The following SORBS2 variants were observed in gnomAD, a reference collection of about 807,000 sequenced individuals.
SORBS2 encodes the protein sorbin and SH3 domain containing 2.
SORBS2 carries 46 observed loss-of-function variants against 97.7 expected under a neutral mutation model. That is an observed-to-expected ratio of 0.47 (90% confidence interval 0.37 to 0.60). The LOEUF is 0.60. Among genes scored for constraint, SORBS2 ranks in the 20% least tolerant of loss-of-function variants. The probability of loss-of-function intolerance (pLI) is 0.00; values close to 1 mark genes in which losing one functional copy is unlikely to be tolerated. For missense variants in SORBS2, 1,316 were observed against 1,282.3 expected (o/e 1.03, Z -0.40); for synonymous variants, 476 against 473.4 (o/e 1.01, Z -0.07).
chr4:185,935,372 ATG>A (rs1437107225), intron 1 of SORBS2, among the ~76,000 whole-genome samples: 2 of 152,250 alleles, frequency 1.3e-5, no homozygotes, highest in African/African-American at 4.8e-5. Context: ...AAACTAAGCC[ATG>A]GGAGATAACA....
chr4:185,788,971 C>T (rs926558212), intron 1 of SORBS2, among the ~76,000 whole-genome samples: 5 of 152,188 alleles, frequency 3.3e-5, no homozygotes, highest in African/African-American at 7.2e-5. Context: ...CACAAGGGTG[C>T]TGGAAATTCA....
chr4:185,672,002 A>T lies in SORBS2; in HGVS notation c.-46+6421T>A, dbSNP rs150726937. On this transcript the variant is annotated intron_variant, in intron 4 of 20. Coordinates refer to the SORBS2 transcript ENST00000284776. ...TGCATATGCATGCGCATGCACAGACATCAAATGGAGAAATTGCCAAAGACC... is the reference window on the plus strand; with the variant it reads ...TGCATATGCATGCGCATGCACAGACTTCAAATGGAGAAATTGCCAAAGACC... Among the ~76,000 whole-genome samples, 143 of 152,366 alleles carry T rather than the reference A, an allele frequency of 9.4e-4. 2 individuals are homozygous for T. In the East Asian group the frequency reaches 0.023, roughly 25 times the overall value.
intron 2 of SORBS2, among the ~76,000 whole-genome samples, chr4:185,682,897 G>A (rs28609198): frequency 5.3e-5 from 8 of 151,318 alleles, no homozygotes; most frequent in African/African-American, 1.2e-4. Context: ...ACCTGTAATC[G>A]CAGCTACTCA....
chr4:185,827,181 AATCACCATCATCATCATCATCACCATC>A (rs2099200801), intron 1 of SORBS2, among the ~76,000 whole-genome samples: 1 of 19,222 alleles, frequency 5.2e-5, no homozygotes, highest in Non-Finnish European at 1.4e-4. Context: ...CCATCATCAG[AATCACCATCATCATCATCATCACCATC>A]ATCACCATCA....
chr4:185,679,874 C>A (rs558168097), intron 2 of SORBS2, among the ~76,000 whole-genome samples: 2 of 152,298 alleles, frequency 1.3e-5, no homozygotes, highest in South Asian at 4.1e-4. Flanking sequence ...TAAAAATGGG[C>A]TGAGAAATGC....
intron 1 of SORBS2, among the ~76,000 whole-genome samples, chr4:185,882,659 G>A: frequency 6.6e-6 from 1 of 152,064 alleles, no homozygotes; most frequent in Non-Finnish European, 1.5e-5. Context: ...TAACAACATG[G>A]AGAACCCACA....
At chr4:185,761,280 G>A (rs577221342) in intron 2 of SORBS2, among the ~76,000 whole-genome samples, 6 of 152,256 alleles carry the variant, frequency 3.9e-5, no homozygotes, top group South Asian at 2.1e-4. Context: ...AATCTGTACC[G>A]AAAGCTTAAG....
chr4:185,705,606 C>G (rs1423039179), intron 2 of SORBS2, among the ~76,000 whole-genome samples: 1 of 152,116 alleles, frequency 6.6e-6, no homozygotes, highest in African/African-American at 2.4e-5. Flanking sequence ...TTGATATGTT[C>G]TATATGCAAA....
chr4:185,807,205 G>A (rs2099160630), intron 1 of SORBS2, among the ~76,000 whole-genome samples: 1 of 152,184 alleles, frequency 6.6e-6, no homozygotes, highest in Non-Finnish European at 1.5e-5. Flanking sequence ...ATTATAATAT[G>A]AATATATAAA....
intron 1 of SORBS2, among the ~76,000 whole-genome samples, chr4:185,940,338 T>C (rs1212708665): frequency 6.6e-6 from 1 of 152,204 alleles, no homozygotes; most frequent in African/African-American, 2.4e-5. Flanking sequence ...TTTATTAAAC[T>C]CCTTCCTCAT....
chr4:185,655,651 T>C (rs1213602150), intron 1 of SORBS2, among the ~76,000 whole-genome samples: 1 of 152,264 alleles, frequency 6.6e-6, no homozygotes, highest in East Asian at 1.9e-4. Flanking sequence ...GTTTAGTGTG[T>C]TTGCTTATGC....
At chr4:185,747,723 G>A (rs2098771874) in intron 2 of SORBS2, among the ~76,000 whole-genome samples, 1 of 152,318 alleles carries the variant, frequency 6.6e-6, no homozygotes. Context: ...CCTTTGCTCG[G>A]GCGCGGTGGC....
intron 6 of SORBS2, among the ~76,000 whole-genome samples, chr4:185,626,593 T>C (rs181389204): frequency 6.6e-6 from 1 of 152,214 alleles, no homozygotes; most frequent in Admixed American, 6.5e-5. Context: ...TAGAAAGGGA[T>C]CTATTTGGGG....
chr4:185,598,380 T>A (rs1445363417), intron 12 of SORBS2, among the ~76,000 whole-genome samples: 1 of 152,226 alleles, frequency 6.6e-6, no homozygotes, highest in Non-Finnish European at 1.5e-5. Flanking sequence ...TTTAAACACA[T>A]GCTAATTTCC....
At chr4:185,843,741 T>G (rs533540650) in intron 1 of SORBS2, among the ~76,000 whole-genome samples, 7 of 152,330 alleles carry the variant, frequency 4.6e-5, no homozygotes, top group South Asian at 2.1e-4. Context: ...TGTTCATGGA[T>G]GAGAAAACTC....
At chr4:185,618,661 A>AT in intron 8 of SORBS2, 30 bp from the exon 21 acceptor site, 2 of 1,461,276 alleles carry the variant, frequency 1.4e-6, no homozygotes, top group Non-Finnish European at 1.9e-6. Flanking sequence ...ATTAGCACTA[A>AT]TTTAAAATTT....
At chr4:185,847,228 A>G (rs1474590957) in intron 1 of SORBS2, among the ~76,000 whole-genome samples, 1 of 152,218 alleles carries the variant, frequency 6.6e-6, no homozygotes, top group Non-Finnish European at 1.5e-5. Flanking sequence ...AGCCTCAATT[A>G]GTAGGAAACA....
chr4:185,638,249 G>C, intron 4 of SORBS2, 87 bp from the exon 15 acceptor site: 1 of 798,506 alleles, frequency 1.3e-6, no homozygotes, highest in Non-Finnish European at 2.2e-6. Context: ...ACTCACGCGC[G>C]CATTGACACG....
chr4:185,693,367 C>T (rs936348729), intron 2 of SORBS2, among the ~76,000 whole-genome samples: 36 of 151,994 alleles, frequency 2.4e-4, no homozygotes, highest in African/African-American at 8.0e-4. Flanking sequence ...AAGAGGGCAG[C>T]GGCCAGCACA....
Sources: gnomAD v4.1 joint callset for allele counts (sites outside exome capture counted in the v4.1 genomes callset) on GRCh38, gnomAD v4.1.1 for gene constraint, MANE v1.5 for transcripts, NCBI Gene and HGNC (gene_info 2026-07-23, HGNC 2026-07-21) for gene names.